The following FSTL4 variants were observed in gnomAD, a reference collection of about 807,000 sequenced individuals.
FSTL4 encodes follistatin-related protein 4.
FSTL4 carries 28 observed loss-of-function variants against 78.2 expected under a neutral mutation model. The observed-to-expected ratio is 0.36, with a 90% CI of 0.27 to 0.49. FSTL4 has a LOEUF of 0.49. FSTL4 is among the 20% of genes least tolerant of loss of function. The pLI, the probability that FSTL4 is intolerant of heterozygous loss-of-function variation, is 0.98. For synonymous variants in FSTL4, 422 were observed against 440.5 expected, an observed-to-expected ratio of 0.96 and a Z score of 0.53; for missense variants, 922 against 1,084.9, an observed-to-expected ratio of 0.85 and a Z score of 2.11.
chr5:133,790,579 C>T, the FSTL4 span, among the ~76,000 whole-genome samples: 2 of 152,162 alleles, frequency 1.3e-5, no homozygotes, highest in Non-Finnish European at 2.9e-5. Flanking sequence ...TGACCTCTCT[C>T]CAGGACTCCA....
At chr5:133,322,457 G>A (rs1754094969) in intron 4 of FSTL4, among the ~76,000 whole-genome samples, 1 of 152,198 alleles carries the variant, frequency 6.6e-6, no homozygotes, top group Non-Finnish European at 1.5e-5. Context: ...CTAGGGGCAA[G>A]CAGCATATTT....
At chr5:133,831,973 G>C in the FSTL4 span, among the ~76,000 whole-genome samples, 1 of 152,304 alleles carries the variant, frequency 6.6e-6, no homozygotes. Context: ...GAGCTCCAGG[G>C]AGGGAAGCTG....
At chr5:133,228,854 G>T (rs1751408493) in intron 8 of FSTL4, among the ~76,000 whole-genome samples, 1 of 152,150 alleles carries the variant, frequency 6.6e-6, no homozygotes, top group South Asian at 2.1e-4. Flanking sequence ...AGGAAGAGAG[G>T]CAATACCAGA....
Position 133,391,350 on chromosome 5 carries a change from G to A in FSTL4, c.409+9388C>T, listed in dbSNP as rs1374622824. Among the ~76,000 whole-genome samples the A allele has an allele frequency of 2.6e-5, 4 of 152,090 alleles. 1 individual carries two copies. The South Asian group carries it at 6.2e-4, about 24-fold the overall frequency. ...TCCTGGTGATCATCTGAAACCTCTC[G>A]AGTGTTGGGCATAGGGTCCACTCAC... On this transcript the variant is annotated intron_variant, in intron 4 of 15. Coordinates refer to ENST00000265342, the MANE Select transcript of FSTL4 (RefSeq NM_015082.2).
At chr5:133,830,853 C>T in the FSTL4 span, among the ~76,000 whole-genome samples, 1 of 152,158 alleles carries the variant, frequency 6.6e-6, no homozygotes, top group Non-Finnish European at 1.5e-5. Context: ...AAGTCTGGGC[C>T]TAGGAACTCA....
intron 6 of FSTL4, among the ~76,000 whole-genome samples, chr5:133,297,689 C>T (rs1753431971): frequency 6.6e-6 from 1 of 152,254 alleles, no homozygotes. Flanking sequence ...GTGCACCTGA[C>T]TGGCCCCAGC....
At chr5:133,318,992 C>T (rs987756313) in intron 4 of FSTL4, among the ~76,000 whole-genome samples, 11 of 152,234 alleles carry the variant, frequency 7.2e-5, no homozygotes, top group African/African-American at 1.2e-4. Flanking sequence ...TAGAGCTACA[C>T]GGACTGGCGT....
the FSTL4 span, among the ~76,000 whole-genome samples, chr5:133,772,958 TA>T: frequency 1.5e-4 from 23 of 152,144 alleles, no homozygotes; most frequent in African/African-American, 5.3e-4. Flanking sequence ...CTAATGCCTG[TA>T]AAGCACTTAA....
chr5:133,760,936 A>G, the FSTL4 span, among the ~76,000 whole-genome samples: 1 of 152,156 alleles, frequency 6.6e-6, no homozygotes, highest in Non-Finnish European at 1.5e-5. Context: ...AGCATGGCCA[A>G]CTCCAGGCAG....
the FSTL4 span, among the ~76,000 whole-genome samples, chr5:133,659,046 A>G: frequency 1.3e-5 from 2 of 152,110 alleles, 1 homozygote; most frequent in South Asian, 4.1e-4. Context: ...GGCTTACCAC[A>G]TTATAATTTG....
At chr5:133,538,897 T>C (rs1259509483) in intron 3 of FSTL4, among the ~76,000 whole-genome samples, 2 of 152,098 alleles carry the variant, frequency 1.3e-5, no homozygotes, top group African/African-American at 2.4e-5. Flanking sequence ...GCTAGCCAGC[T>C]GGGGGCTTGT....
chr5:133,636,327 AG>A, the FSTL4 span, among the ~76,000 whole-genome samples: 1 of 152,166 alleles, frequency 6.6e-6, no homozygotes, highest in Non-Finnish European at 1.5e-5. Flanking sequence ...ATAGAAAGGA[AG>A]GGCTGTGGGA....
intron 13 of FSTL4, among the ~76,000 whole-genome samples, chr5:133,213,169 A>G (rs760177737): frequency 4.1e-4 from 63 of 152,218 alleles, no homozygotes; most frequent in Non-Finnish European, 5.9e-4. Flanking sequence ...CGCCCAGCTA[A>G]TTTTTGTATT....
At chr5:133,780,731 G>C in the FSTL4 span, among the ~76,000 whole-genome samples, 8 of 148,074 alleles carry the variant, frequency 5.4e-5, no homozygotes, top group Admixed American at 2.0e-4. Context: ...AGAATAACCC[G>C]ATGAGGTAGG....
the FSTL4 span, among the ~76,000 whole-genome samples, chr5:133,632,492 A>G: frequency 0.44 from 66,496 of 151,956 alleles, 14,709 homozygotes; most frequent in South Asian, 0.53. Context: ...CATTCTTTCA[A>G]GGTAGTTCTG....
chr5:133,808,466 A>T, the FSTL4 span, among the ~76,000 whole-genome samples: 1 of 152,164 alleles, frequency 6.6e-6, no homozygotes, highest in African/African-American at 2.4e-5. Flanking sequence ...TTGTCCTCAA[A>T]CCCACCCAGG....
At chr5:133,223,492 A>G (rs919875824) in intron 11 of FSTL4, among the ~76,000 whole-genome samples, 13 of 152,178 alleles carry the variant, frequency 8.5e-5, no homozygotes, top group Admixed American at 3.9e-4. Flanking sequence ...AGTTGCCACA[A>G]GGGGATTTGG....
At chr5:133,491,546 C>A (rs969171730) in intron 3 of FSTL4, among the ~76,000 whole-genome samples, 1 of 151,546 alleles carries the variant, frequency 6.6e-6, no homozygotes, top group Non-Finnish European at 1.5e-5. Flanking sequence ...ACTACAGGCG[C>A]CCGCCACCAC....
chr5:133,582,998 T>A (rs1331655813), intron 2 of FSTL4, among the ~76,000 whole-genome samples: 1 of 152,058 alleles, frequency 6.6e-6, no homozygotes, highest in Non-Finnish European at 1.5e-5. Flanking sequence ...CAACCAATCT[T>A]TAGTACTCAG....
Sources: allele counts gnomAD v4.1 joint callset (sites outside exome capture counted in the v4.1 genomes callset), GRCh38; gene constraint gnomAD v4.1.1; transcripts MANE v1.5; gene names NCBI Gene and HGNC (gene_info 2026-07-23, HGNC 2026-07-21).